Variants in TENM3 observed in about 807,000 individuals in gnomAD.
TENM3 encodes the protein teneurin transmembrane protein 3.
TENM3 carries 63 observed loss-of-function variants against 255.1 expected under a neutral mutation model. That is an observed-to-expected ratio of 0.25 (90% CI 0.20 to 0.30). The LOEUF (loss-of-function observed/expected upper bound fraction) is 0.30. TENM3 is among the 10% of genes least tolerant of loss of function. TENM3 has a pLI of 1.00. For missense variants in TENM3, 2,929 were observed against 3,461.1 expected (o/e 0.85, Z 3.86); for synonymous variants, 1,306 against 1,322.3 (o/e 0.99, Z 0.27).
At chr4:182,497,489 C>T (rs1021369052) in intron 3 of TENM3, among the ~76,000 whole-genome samples, 8 of 152,096 alleles carry the variant, frequency 5.3e-5, no homozygotes, top group Admixed American at 2.0e-4. Context: ...TCTTTTAAAA[C>T]TAGTTTTCTA....
the TENM3 span, among the ~76,000 whole-genome samples, chr4:181,887,276 T>G: frequency 6.6e-6 from 1 of 152,020 alleles, no homozygotes; most frequent in African/African-American, 2.4e-5. Context: ...AGATAGGACA[T>G]TTTACAGCCA....
At chr4:181,788,053 T>C in the TENM3 span, among the ~76,000 whole-genome samples, 7 of 152,156 alleles carry the variant, frequency 4.6e-5, no homozygotes, top group African/African-American at 1.7e-4. Flanking sequence ...CCACGGCTTC[T>C]TGGGTTTGTG....
the TENM3 span, among the ~76,000 whole-genome samples, chr4:181,543,390 G>A: frequency 6.6e-6 from 1 of 152,116 alleles, no homozygotes; most frequent in Non-Finnish European, 1.5e-5. Flanking sequence ...GAAGGAGGTG[G>A]CAGATGAACA....
At chr4:181,746,829 A>G in the TENM3 span, among the ~76,000 whole-genome samples, 19 of 151,860 alleles carry the variant, frequency 1.3e-4, no homozygotes, top group African/African-American at 4.3e-4. Flanking sequence ...CTTTTGATGT[A>G]TATTATTAGC....
chr4:181,472,157 A>G, the TENM3 span, among the ~76,000 whole-genome samples: 3 of 152,172 alleles, frequency 2.0e-5, no homozygotes, highest in Non-Finnish European at 4.4e-5. Context: ...CAAGGCCTAT[A>G]GCCACCTGCC....
intron 3 of TENM3, among the ~76,000 whole-genome samples, chr4:182,477,342 TC>T (rs555457789): frequency 1.5e-3 from 228 of 152,318 alleles, no homozygotes; most frequent in Non-Finnish European, 2.4e-3. Context: ...GACACTGTCT[TC>T]CGTCTTTTGC....
chr4:182,553,914 A>G (rs1354653398), intron 3 of TENM3, among the ~76,000 whole-genome samples: 1 of 152,164 alleles, frequency 6.6e-6, no homozygotes, highest in African/African-American at 2.4e-5. Context: ...CTCTCTGCCA[A>G]ATGAACAATT....
chr4:181,839,380 T>C, the TENM3 span, among the ~76,000 whole-genome samples: 1,274 of 39,352 alleles, frequency 0.032, 75 homozygotes, highest in East Asian at 0.12. Context: ...TATATATATA[T>C]ATATACACCT....
chr4:182,338,810 T>C (rs373651838), intron 2 of TENM3, among the ~76,000 whole-genome samples: 5 of 152,322 alleles, frequency 3.3e-5, no homozygotes, highest in African/African-American at 1.2e-4. Flanking sequence ...TGAAAATCTA[T>C]TAACCATTCA....
chr4:181,658,000 G>A, the TENM3 span, among the ~76,000 whole-genome samples: 1 of 152,084 alleles, frequency 6.6e-6, no homozygotes, highest in African/African-American at 2.4e-5. Context: ...AGGGAGGAAG[G>A]GAGGGAAGAG....
chr4:181,730,854 C>A, the TENM3 span, among the ~76,000 whole-genome samples: 7 of 152,048 alleles, frequency 4.6e-5, no homozygotes, highest in Non-Finnish European at 8.8e-5. Flanking sequence ...AGTAAAAATG[C>A]GACTCATGCT....
At chr4:181,888,494 G>GTATATATATATATGTATA in the TENM3 span, among the ~76,000 whole-genome samples, 3 of 28,242 alleles carry the variant, frequency 1.1e-4, no homozygotes, top group Admixed American at 5.1e-4. Context: ...ATAGAAATGT[G>GTATATATATATATGTATA]TATATATATA....
At chr4:182,662,887 A>G (rs17073734) in intron 6 of TENM3, among the ~76,000 whole-genome samples, 36,336 of 152,168 alleles carry the variant, frequency 0.24, 4,605 homozygotes, top group Admixed American at 0.39. Flanking sequence ...TGTCCAAATG[A>G]GAGAATGGCT....
chr4:182,785,751 T>A (rs963499369), intron 24 of TENM3, among the ~76,000 whole-genome samples: 8 of 117,904 alleles, frequency 6.8e-5, no homozygotes, highest in South Asian at 3.0e-4. Context: ...AAGCCTGGAA[T>A]AATGCTGGTA....
At chr4:182,290,370 C>A (rs1350167004) in intron 1 of TENM3, among the ~76,000 whole-genome samples, 1 of 152,178 alleles carries the variant, frequency 6.6e-6, no homozygotes, top group Admixed American at 6.5e-5. Context: ...TTGTATTTTG[C>A]ACGTTCTTGG....
chr4:181,704,253 C>A, the TENM3 span, among the ~76,000 whole-genome samples: 21 of 152,210 alleles, frequency 1.4e-4, no homozygotes, highest in Admixed American at 1.4e-3. Flanking sequence ...CCCAAAGAAC[C>A]TCCTCAGCTC....
At chr4:182,375,664 C>G (rs929657178) in intron 3 of TENM3, among the ~76,000 whole-genome samples, 1 of 152,142 alleles carries the variant, frequency 6.6e-6, no homozygotes, top group Non-Finnish European at 1.5e-5. Context: ...GCCTCCGCCT[C>G]CTGGGCAGCT....
Position 182,190,332 on chromosome 4 carries a change from G to A in TENM3, c.-76+45578G>A, listed in dbSNP as rs539124970. The A allele has an allele frequency of 2.0e-5, 3 of 152,170 alleles. 1 individual carries two copies. The highest frequency in any genetic ancestry group is 2.0e-4 in the Admixed American group (3 of 15,266). The allele number at this position is 152,170 out of a possible 1,614,324, so 9.4% of individuals were successfully genotyped here. On this transcript the variant is annotated intron_variant, in intron 1 of 2. Coordinates refer to the TENM3 transcript ENST00000512480. ...GCAACTCAGATAACTACAGAAAACT[G>A]TGTGTAAAAATCAGCCCACCAGTAT...
rs1326601310 is a variant in TENM3 at position 182,802,454 on chromosome 4, G to C, written c.*2103G>C. 6.6e-6 allele frequency: 1 copy of C among 152,632 alleles called. No homozygotes were observed. Among genetic ancestry groups the C allele is most frequent in the African/African-American group, 2.4e-5 (1 of 41,448 alleles). 9.5% of individuals were successfully genotyped at this position (152,632 alleles called of 1,614,324 possible). On this transcript the variant is annotated 3_prime_UTR_variant, in exon 28 of 28. Coordinates refer to ENST00000511685, the MANE Select transcript of TENM3 (RefSeq NM_001080477.4). ...CAGGCCTGTATTTAGCATGCTGTAA[G>C]TACTTTTGGGTGAAATAGGCTCTGA...
Sources: allele counts gnomAD v4.1 joint callset (sites outside exome capture counted in the v4.1 genomes callset), GRCh38; gene constraint gnomAD v4.1.1; transcripts MANE v1.5; gene names NCBI Gene and HGNC (gene_info 2026-07-23, HGNC 2026-07-21).